The following GPHN variants were observed in gnomAD, a reference collection of about 807,000 sequenced individuals.
GPHN encodes gephyrin.
GPHN carries 17 observed loss-of-function variants against 95.5 expected under a neutral mutation model. The ratio of observed to expected loss-of-function variants is 0.18; its 90% confidence interval spans 0.12 to 0.27. GPHN has a LOEUF of 0.27. Among genes scored for constraint, GPHN ranks in the 10% least tolerant of loss-of-function variants. The pLI is 1.00. For synonymous variants in GPHN, 320 were observed against 322.5 expected (o/e 0.99, Z 0.08); for missense variants, 660 against 978.1 (o/e 0.67, Z 4.34).
chr14:66,942,528 A>G (rs1304601880), intron 8 of GPHN, among the ~76,000 whole-genome samples: 1 of 152,228 alleles, frequency 6.6e-6, no homozygotes, highest in South Asian at 2.1e-4. Context: ...TGTCCAGGGT[A>G]GTTACAGTTA....
chr14:66,545,504 C>T (rs1189264393), intron 1 of GPHN, among the ~76,000 whole-genome samples: 24 of 116,698 alleles, frequency 2.1e-4, no homozygotes, highest in Admixed American at 1.0e-3. Flanking sequence ...GCTGGCCGGG[C>T]GGGGAGCTGA....
At chr14:66,519,603 C>T (rs1295111248) in intron 1 of GPHN, among the ~76,000 whole-genome samples, 3 of 152,066 alleles carry the variant, frequency 2.0e-5, no homozygotes, top group South Asian at 2.1e-4. Flanking sequence ...ATAGAACATG[C>T]GTTCTTCAGT....
At chr14:67,407,145 G>A in the GPHN span, among the ~76,000 whole-genome samples, 11 of 151,618 alleles carry the variant, frequency 7.3e-5, no homozygotes, top group South Asian at 2.1e-4. Context: ...TTTTTGAGAC[G>A]GAGTCTTGCA....
intron 5 of GPHN, among the ~76,000 whole-genome samples, chr14:66,914,430 T>C (rs1379191154): frequency 6.6e-6 from 1 of 152,132 alleles, no homozygotes; most frequent in African/African-American, 2.4e-5. Flanking sequence ...CAAGATGGAA[T>C]GAACTTACTG....
At chr14:66,519,338 C>T (rs2058379481) in intron 1 of GPHN, among the ~76,000 whole-genome samples, 1 of 151,876 alleles carries the variant, frequency 6.6e-6, no homozygotes, top group Non-Finnish European at 1.5e-5. Flanking sequence ...CTTTTGTATA[C>T]AGTCATATAT....
At chr14:67,596,677 G>C in the GPHN span, among the ~76,000 whole-genome samples, 1 of 152,116 alleles carries the variant, frequency 6.6e-6, no homozygotes, top group East Asian at 1.9e-4. Context: ...GAATCTTGCT[G>C]AATCAGTTTA....
chr14:67,489,307 C>A, the GPHN span, among the ~76,000 whole-genome samples: 1 of 152,212 alleles, frequency 6.6e-6, no homozygotes, highest in Admixed American at 6.5e-5. Flanking sequence ...TGTCCCCATA[C>A]AATGTGCCTT....
chr14:66,768,208 C>G (rs189543238), intron 2 of GPHN, among the ~76,000 whole-genome samples: 2 of 151,784 alleles, frequency 1.3e-5, no homozygotes, highest in East Asian at 3.9e-4. Flanking sequence ...AGGAGTATGG[C>G]CATCTGTTTG....
intron 4 of GPHN, among the ~76,000 whole-genome samples, chr14:66,825,371 A>G (rs747535709): frequency 3.9e-5 from 6 of 152,254 alleles, no homozygotes; most frequent in Non-Finnish European, 7.4e-5. Flanking sequence ...TATTGTATCT[A>G]CTACCTTATT....
At chr14:66,713,222 CG>C (rs1566856199) in intron 2 of GPHN, among the ~76,000 whole-genome samples, 2 of 152,072 alleles carry the variant, frequency 1.3e-5, no homozygotes, top group Non-Finnish European at 2.9e-5. Flanking sequence ...CCTAAGCCAA[CG>C]TGTAGAAGGG....
At chr14:67,635,746 G>A in the GPHN span, among the ~76,000 whole-genome samples, 8 of 152,086 alleles carry the variant, frequency 5.3e-5, no homozygotes, top group Non-Finnish European at 7.4e-5. Flanking sequence ...CCAGCTACTC[G>A]GGAAGCTGAG....
chr14:66,665,096 A>C (rs1000398913), intron 1 of GPHN, among the ~76,000 whole-genome samples: 3 of 151,980 alleles, frequency 2.0e-5, no homozygotes, highest in African/African-American at 7.3e-5. Flanking sequence ...CTATTCCAAC[A>C]AATTGAAGAG....
chr14:66,724,897 A>G (rs1007880873), intron 2 of GPHN, among the ~76,000 whole-genome samples: 1 of 152,178 alleles, frequency 6.6e-6, no homozygotes, highest in Non-Finnish European at 1.5e-5. Context: ...GAACTAAAAT[A>G]ATATCAGGGT....
intron 1 of GPHN, among the ~76,000 whole-genome samples, chr14:66,544,894 C>A (rs28686960): frequency 0.16 from 24,340 of 151,758 alleles, 3,773 homozygotes; most frequent in East Asian, 0.45. Context: ...TCAGAGAGCA[C>A]AGGGTTGGGG....
intron 4 of GPHN, among the ~76,000 whole-genome samples, chr14:66,837,778 A>C (rs965872207): frequency 6.6e-6 from 1 of 151,860 alleles, no homozygotes; most frequent in Admixed American, 6.6e-5. Context: ...AAAATTTCCT[A>C]TATGAAGAAC....
the GPHN span, among the ~76,000 whole-genome samples, chr14:67,561,311 G>A: frequency 3.3e-5 from 5 of 152,232 alleles, no homozygotes; most frequent in Non-Finnish European, 5.9e-5. Context: ...AGCACTTTGG[G>A]AGACCTAGGC....
At chr14:67,324,254 A>T in the GPHN span, among the ~76,000 whole-genome samples, 11 of 152,222 alleles carry the variant, frequency 7.2e-5, no homozygotes, top group East Asian at 1.9e-4. Flanking sequence ...AAATTTTTTT[A>T]AATTATTTTA....
chr14:66,602,448 A>G (rs964737290), intron 1 of GPHN, among the ~76,000 whole-genome samples: 5 of 151,986 alleles, frequency 3.3e-5, no homozygotes, highest in African/African-American at 9.7e-5. Flanking sequence ...TCATTACTGC[A>G]GTGAATAACT....
the GPHN span, among the ~76,000 whole-genome samples, chr14:67,625,832 A>G: frequency 6.6e-6 from 1 of 152,130 alleles, no homozygotes; most frequent in Non-Finnish European, 1.5e-5. Context: ...TTCGGCAAAC[A>G]TAAATAAAAT....
Sources: allele counts gnomAD v4.1 joint callset (sites outside exome capture counted in the v4.1 genomes callset), GRCh38; gene constraint gnomAD v4.1.1; transcripts MANE v1.5; gene names NCBI Gene and HGNC (gene_info 2026-07-23, HGNC 2026-07-21).